Variants in CDKN2B-AS1 observed in about 807,000 individuals in gnomAD.
CDKN2B-AS1 encodes CDKN2B and CDKN2A antisense cis and trans regulatory RNA 1.
intron 1 of CDKN2B-AS1, chr9:22,009,223 C>T (rs1821366742): frequency 1.7e-6 from 1 of 583,264 alleles, no homozygotes; most frequent in Non-Finnish European, 3.1e-6. Context: ...CTAGCGCGGA[C>T]GCAGCCGAGC....
chr9:22,020,953 C>T (rs1008261907), intron 1 of CDKN2B-AS1, among the ~76,000 whole-genome samples: 1 of 152,126 alleles, frequency 6.6e-6, no homozygotes, highest in East Asian at 1.9e-4. Flanking sequence ...TTTGCCTGTA[C>T]CTATGTTCTG....
chr9:22,064,651 G>T (rs1271967446), intron 4 of CDKN2B-AS1, among the ~76,000 whole-genome samples: 1 of 152,158 alleles, frequency 6.6e-6, no homozygotes, highest in Non-Finnish European at 1.5e-5. Flanking sequence ...AGTAGGATTT[G>T]TCCCAGTCGT....
chr9:22,106,479 A>C (rs1377309368), intron 4 of CDKN2B-AS1, among the ~76,000 whole-genome samples: 1 of 152,184 alleles, frequency 6.6e-6, no homozygotes, highest in African/African-American at 2.4e-5. Flanking sequence ...GGCTTCCCAA[A>C]GTGCTCGGAT....
intron 1 of CDKN2B-AS1, among the ~76,000 whole-genome samples, chr9:22,045,558 A>G (rs182655374): frequency 1.6e-4 from 24 of 151,912 alleles, no homozygotes; most frequent in Non-Finnish European, 3.4e-4. Context: ...TTTTTTTTCT[A>G]AACATCAATG....
chr9:22,040,286 A>G (rs1160618081), intron 1 of CDKN2B-AS1, among the ~76,000 whole-genome samples: 3 of 151,414 alleles, frequency 2.0e-5, no homozygotes, highest in Non-Finnish European at 4.4e-5. Flanking sequence ...TATTAGTGCC[A>G]TCTATATACA....
intron 4 of CDKN2B-AS1, chr9:22,120,447 A>C (rs1826068355): frequency 1.3e-5 from 2 of 152,100 alleles, no homozygotes; most frequent in African/African-American, 4.8e-5. Context: ...CTCCAGGATT[A>C]TATGGTATTA....
chr9:22,101,629 A>G (rs1251911102), intron 4 of CDKN2B-AS1, among the ~76,000 whole-genome samples: 1 of 151,728 alleles, frequency 6.6e-6, no homozygotes, highest in Admixed American at 6.6e-5. Context: ...TCCTTCTAAA[A>G]TAATCACACG....
At chr9:22,043,744 G>C (rs1822996952) in intron 1 of CDKN2B-AS1, among the ~76,000 whole-genome samples, 1 of 151,908 alleles carries the variant, frequency 6.6e-6, no homozygotes, top group African/African-American at 2.4e-5. Context: ...AATTTGTTTA[G>C]TAATAACAGT....
rs529749377 is a variant in CDKN2B-AS1, at chr9:22,108,377, G to T, written n.439-18726G>T. Among the ~76,000 whole-genome samples the T allele has an allele frequency of 4.6e-5, 7 of 152,288 alleles. No individual in the cohort carries two copies. The East Asian group carries it at 1.2e-3, about 25-fold the overall frequency. On this transcript the variant is annotated intron_variant and non_coding_transcript_variant, in intron 4 of 4. Coordinates refer to ENST00000650946, the Ensembl canonical transcript of CDKN2B-AS1. ...GTTTGAACACTTGTCTATGCACATT[G>T]CTTGGTCATTCAATAAGTAGTTATT...
intron 3 of CDKN2B-AS1, among the ~76,000 whole-genome samples, chr9:22,051,177 AG>A (rs2131281699): frequency 6.6e-6 from 1 of 152,026 alleles, no homozygotes; most frequent in East Asian, 1.9e-4. Context: ...TGCTCCTTTA[AG>A]GGGCCCCCTG....
chr9:22,025,875 T>C (rs1337892646), intron 1 of CDKN2B-AS1, among the ~76,000 whole-genome samples: 3 of 152,162 alleles, frequency 2.0e-5, no homozygotes, highest in Non-Finnish European at 4.4e-5. Flanking sequence ...ACTGGGGGTA[T>C]GCTTTAGCCC....
intron 4 of CDKN2B-AS1, among the ~76,000 whole-genome samples, chr9:22,102,317 T>G (rs923773132): frequency 2.0e-5 from 3 of 152,242 alleles, no homozygotes; most frequent in South Asian, 4.1e-4. Flanking sequence ...GATGGCTTGC[T>G]CATTACATTA....
chr9:22,011,989 G>T (rs1821528700), intron 1 of CDKN2B-AS1, among the ~76,000 whole-genome samples: 1 of 152,184 alleles, frequency 6.6e-6, no homozygotes, highest in South Asian at 2.1e-4. Flanking sequence ...CAGTAGAAGG[G>T]AATGAGTGGC....
chr9:22,097,971 A>G (rs1825342050), intron 4 of CDKN2B-AS1, among the ~76,000 whole-genome samples: 1 of 152,146 alleles, frequency 6.6e-6, no homozygotes, highest in African/African-American at 2.4e-5. Flanking sequence ...CGTCTTGCTG[A>G]TAGTTCAGAG....
intron 4 of CDKN2B-AS1, among the ~76,000 whole-genome samples, chr9:22,057,046 A>G (rs1180059174): frequency 6.6e-6 from 1 of 152,146 alleles, no homozygotes; most frequent in Non-Finnish European, 1.5e-5. Context: ...TATTATTCTG[A>G]GTTTACCTTT....
At chr9:22,068,950 A>G (rs1460869410) in intron 4 of CDKN2B-AS1, among the ~76,000 whole-genome samples, 2 of 152,176 alleles carry the variant, frequency 1.3e-5, no homozygotes, top group African/African-American at 2.4e-5. Context: ...CCAGGGACCT[A>G]TGCTTTGGGG....
intron 1 of CDKN2B-AS1, among the ~76,000 whole-genome samples, chr9:22,007,415 G>C (rs1308342439): frequency 6.6e-6 from 1 of 152,102 alleles, no homozygotes; most frequent in Non-Finnish European, 1.5e-5. Flanking sequence ...CAGTCAATCA[G>C]GATGATGCAT....
At chr9:22,123,398 A>G (rs1826136696) in intron 4 of CDKN2B-AS1, among the ~76,000 whole-genome samples, 1 of 152,146 alleles carries the variant, frequency 6.6e-6, no homozygotes, top group African/African-American at 2.4e-5. Flanking sequence ...TTGAATAAGA[A>G]TGTTAAGAGT....
intron 1 of CDKN2B-AS1, among the ~76,000 whole-genome samples, chr9:22,035,329 T>C (rs1206776013): frequency 1.3e-5 from 2 of 151,090 alleles, no homozygotes; most frequent in Non-Finnish European, 3.0e-5. Flanking sequence ...AGAACTAAGA[T>C]AGAACTAATA....
Sources: gnomAD v4.1 joint callset for allele counts (sites outside exome capture counted in the v4.1 genomes callset) on GRCh38, gnomAD v4.1.1 for gene constraint, MANE v1.5 for transcripts, NCBI Gene and HGNC (gene_info 2026-07-23, HGNC 2026-07-21) for gene names.